TANC1: variants seen among roughly 807,000 people sequenced by gnomAD.
TANC1 encodes the protein tetratricopeptide repeat, ankyrin repeat and coiled-coil containing 1, also known as protein TANC1.
Under a neutral mutation model 149.7 loss-of-function variants are expected in TANC1, and 77 were observed. The observed-to-expected ratio is 0.51, with a 90% CI of 0.43 to 0.62. The LOEUF (loss-of-function observed/expected upper bound fraction) is 0.62, where lower values mean the gene tolerates loss of function less well. TANC1 is among the 20% of genes least tolerant of loss of function. The pLI, the probability that TANC1 is intolerant of heterozygous loss-of-function variation, is 0.00. For missense variants in TANC1, 1,985 were observed against 2,321.8 expected (o/e 0.85, Z 2.98); for synonymous variants, 854 against 925.0 (o/e 0.92, Z 1.39).
chr2:159,087,414 C>T (rs1264658377), intron 3 of TANC1, among the ~76,000 whole-genome samples: 1 of 148,510 alleles, frequency 6.7e-6, no homozygotes, highest in Non-Finnish European at 1.5e-5. Flanking sequence ...GAAGATTTGG[C>T]CGTGCTTTTT....
At chr2:159,149,001 A>G in intron 5 of TANC1, 141 bp from the exon 6 acceptor site, 1 of 904,384 alleles carries the variant, frequency 1.1e-6, no homozygotes. Flanking sequence ...GCTAGAGGAC[A>G]GGGTGCGTTG....
chr2:159,018,919 T>C (rs945283781), intron 2 of TANC1, among the ~76,000 whole-genome samples: 1 of 152,240 alleles, frequency 6.6e-6, no homozygotes, highest in Non-Finnish European at 1.5e-5. Context: ...GAAACTCTTA[T>C]TATGCCTTCT....
At position 159,227,685 on chromosome 2, in the gene TANC1, C is replaced by T. The variant is rs982573043; in HGVS notation, c.3904-134C>T. ...TAGTGAACTAGCTCCCACCTTGACA[C>T]TTGTTTGGATGCTTTCAATGTTCTG... On this transcript the variant is annotated intron_variant, in intron 24 of 26. Coordinates refer to ENST00000263635, the MANE Select transcript of TANC1 (RefSeq NM_033394.3). 39 of 981,210 alleles carry T rather than the reference C, an allele frequency of 4.0e-5. No homozygotes were observed. The African/African-American group carries it at 6.3e-4, about 16-fold the overall frequency. 60.8% of individuals were successfully genotyped at this position (981,210 alleles called of 1,614,324 possible). A position where few individuals can be genotyped will look rare whatever the true frequency, so the allele number is the denominator to read the frequency against.
chr2:158,988,867 C>T (rs923138458), intron 1 of TANC1, among the ~76,000 whole-genome samples: 2 of 152,162 alleles, frequency 1.3e-5, no homozygotes, highest in Non-Finnish European at 2.9e-5. Context: ...GTGCTGCCCT[C>T]CTCACCCACT....
chr2:159,125,057 T>C (rs1343384101), intron 4 of TANC1, among the ~76,000 whole-genome samples: 1 of 152,174 alleles, frequency 6.6e-6, no homozygotes, highest in African/African-American at 2.4e-5. Flanking sequence ...TTAGATTCTT[T>C]ATGGCACATT....
intron 5 of TANC1, 99 bp from the exon 6 acceptor site, chr2:159,149,043 C>G: frequency 8.6e-6 from 12 of 1,391,422 alleles, no homozygotes; most frequent in Non-Finnish European, 1.2e-5. Flanking sequence ...TAGAAACACA[C>G]AAAATCACCA....
chr2:159,128,979 T>C (rs754568775), intron 4 of TANC1, among the ~76,000 whole-genome samples: 1 of 152,174 alleles, frequency 6.6e-6, no homozygotes, highest in Non-Finnish European at 1.5e-5. Flanking sequence ...TTCCTCATCT[T>C]GTGAAATTTC....
At chr2:159,227,752 A>G (rs2042495) in intron 24 of TANC1, 67 bp from the exon 25 acceptor site, 1,356,310 of 1,563,188 alleles carry the variant, frequency 0.87, 592,564 homozygotes, top group Admixed American at 0.91. Context: ...ACGGTGTTCC[A>G]GGTGTGGGAG....
chr2:159,113,121 G>A (rs1313146392), intron 4 of TANC1, among the ~76,000 whole-genome samples: 1 of 151,870 alleles, frequency 6.6e-6, no homozygotes, highest in Non-Finnish European at 1.5e-5. Context: ...TTTTAGTAGA[G>A]AAGGGTTTTC....
chr2:159,034,359 C>T (rs1476544527), intron 2 of TANC1, among the ~76,000 whole-genome samples: 1 of 152,206 alleles, frequency 6.6e-6, no homozygotes, highest in East Asian at 1.9e-4. Flanking sequence ...ATATTTCCCA[C>T]CTGACCCCAT....
chr2:159,065,244 C>A (rs1460371621), intron 2 of TANC1, among the ~76,000 whole-genome samples: 1 of 152,116 alleles, frequency 6.6e-6, no homozygotes, highest in Admixed American at 6.5e-5. Context: ...AGGATCTGGC[C>A]GTAGTGCCAC....
chr2:159,210,489 A>G (rs777317982), intron 19 of TANC1, among the ~76,000 whole-genome samples: 1 of 152,226 alleles, frequency 6.6e-6, no homozygotes, highest in Non-Finnish European at 1.5e-5. Context: ...CCTGCAAACC[A>G]TCCATTTTAT....
At chr2:159,164,693 T>G (rs1410447405) in intron 8 of TANC1, among the ~76,000 whole-genome samples, 1 of 152,212 alleles carries the variant, frequency 6.6e-6, no homozygotes, top group African/African-American at 2.4e-5. Flanking sequence ...GTCAGAGAAT[T>G]TCTCTGTGAT....
At chr2:159,166,828 C>A (rs2054648758) in intron 8 of TANC1, among the ~76,000 whole-genome samples, 1 of 152,228 alleles carries the variant, frequency 6.6e-6, no homozygotes, top group South Asian at 2.1e-4. Flanking sequence ...AGATAGCTGG[C>A]AGGTGGTGGC....
chr2:159,028,601 T>G (rs370280017), intron 2 of TANC1, among the ~76,000 whole-genome samples: 21 of 152,318 alleles, frequency 1.4e-4, no homozygotes, highest in East Asian at 9.6e-4. Flanking sequence ...TGTACAGTGT[T>G]GTTAACTTAT....
In TANC1 at chr2:159,141,600, G is replaced by T. The variant is rs2051376297; in HGVS notation, c.364+5302G>T. Among the ~76,000 whole-genome samples, 2 of 152,186 alleles carry T rather than the reference G, an allele frequency of 1.3e-5. 1 individual carries two copies. Among genetic ancestry groups the T allele is most frequent in the South Asian group, 4.1e-4 (2 of 4,820 alleles). On this transcript the variant is annotated intron_variant, in intron 5 of 26. Transcript: ENST00000263635. Reference sequence around the variant, plus strand: ...TCAGGCATGGAGACTTCAAAGTGCTGGTGGAACATCTTCGCAAGTGTCCAG... The same window carrying T: ...TCAGGCATGGAGACTTCAAAGTGCTTGTGGAACATCTTCGCAAGTGTCCAG...
intron 3 of TANC1, among the ~76,000 whole-genome samples, chr2:159,083,161 G>A (rs535542251): frequency 6.6e-6 from 1 of 151,882 alleles, no homozygotes; most frequent in Admixed American, 6.6e-5. Context: ...GTTCAAGACC[G>A]CCAGGCTGGT....
At chr2:159,228,164 G>T in intron 25 of TANC1, 199 bp downstream of exon 25, 1 of 593,434 alleles carries the variant, frequency 1.7e-6, no homozygotes, top group South Asian at 2.3e-5. Context: ...CTCGCATGAT[G>T]TTGAAGGAAT....
chr2:159,132,357 C>T (rs1265461481), intron 4 of TANC1, among the ~76,000 whole-genome samples: 2 of 152,210 alleles, frequency 1.3e-5, no homozygotes, highest in Middle Eastern at 6.8e-3. Context: ...ACCAGGTGGG[C>T]CTGGTCTTTG....
Sources: gnomAD v4.1 joint callset for allele counts (sites outside exome capture counted in the v4.1 genomes callset) on GRCh38, gnomAD v4.1.1 for gene constraint, MANE v1.5 for transcripts, NCBI Gene and HGNC (gene_info 2026-07-23, HGNC 2026-07-21) for gene names.